Variants in RIMS1 observed in about 807,000 individuals in gnomAD.
RIMS1 encodes regulating synaptic membrane exocytosis 1, also known as regulating synaptic membrane exocytosis protein 1.
A neutral mutation model predicts 214.1 loss-of-function variants in RIMS1; 83 were observed. That is an observed-to-expected ratio of 0.39 (90% CI 0.32 to 0.47). RIMS1 has a LOEUF of 0.47. RIMS1 is among the 20% of genes least tolerant of loss of function. The pLI is 0.99. For missense variants in RIMS1, 2,050 were observed against 2,161.8 expected (o/e 0.95, Z 1.03); for synonymous variants, 793 against 786.8 (o/e 1.01, Z -0.13).
At chr6:72,135,580 C>T (rs1453721022) in intron 4 of RIMS1, among the ~76,000 whole-genome samples, 2 of 152,032 alleles carry the variant, frequency 1.3e-5, no homozygotes, top group South Asian at 2.1e-4. Context: ...GTGTGGGTGT[C>T]AGGGTATGAG....
intron 6 of RIMS1, among the ~76,000 whole-genome samples, chr6:72,219,156 A>G (rs2057463259): frequency 6.6e-6 from 1 of 152,208 alleles, no homozygotes; most frequent in African/African-American, 2.4e-5. Flanking sequence ...AGTAAAACAA[A>G]TGCTTGCCAT....
At position 71,982,388 on chromosome 6, in the gene RIMS1, T is replaced by C. The variant is rs1304828752; in HGVS notation, c.245+13325T>C. Among the ~76,000 whole-genome samples the C allele has an allele frequency of 1.2e-4, 18 of 152,264 alleles. No individual in the cohort carries two copies. In the South Asian group the frequency reaches 3.5e-3, roughly 30 times the overall value. On this transcript the variant is annotated intron_variant, in intron 2 of 33. Coordinates refer to ENST00000521978, the MANE Select transcript of RIMS1 (RefSeq NM_014989.7). ...GTATTAACACAAAATTTAAAGTTCTTGCCTTCTACAGTGCATGCTACTTTA... is the reference window on the plus strand; with the variant it reads ...GTATTAACACAAAATTTAAAGTTCTCGCCTTCTACAGTGCATGCTACTTTA...
chr6:72,274,419 C>T lies in RIMS1; in HGVS notation c.3469C>T (p.Pro1157Ser). 6.2e-7 allele frequency: 1 copy of T among 1,613,072 alleles called. No homozygotes were observed. The highest frequency in any genetic ancestry group is 1.1e-5 in the South Asian group (1 of 91,006). Residue 1157 changes from proline (P) to serine (S), a missense_variant, in exon 23 of 34, where the codon CCG (proline) becomes TCG (serine). Coordinates refer to ENST00000521978, the MANE Select transcript of RIMS1 (RefSeq NM_014989.7). ...CAGGATTCAAATCCAGCATGCGTCTCCGGAGAATGACAGGTACTAGTCAAC... is the reference window on the plus strand; with the variant it reads ...CAGGATTCAAATCCAGCATGCGTCTTCGGAGAATGACAGGTACTAGTCAAC... ...SPRIQIQHAS[P>S]ENDRHSRKSE...
At chr6:72,342,032 G>T (rs2097110850) in intron 29 of RIMS1, among the ~76,000 whole-genome samples, 1 of 151,730 alleles carries the variant, frequency 6.6e-6, no homozygotes, top group African/African-American at 2.4e-5. Flanking sequence ...TTAGTAATAG[G>T]TATTCTGTAC....
At chr6:71,940,873 T>C (rs1785877672) in intron 1 of RIMS1, among the ~76,000 whole-genome samples, 1 of 152,042 alleles carries the variant, frequency 6.6e-6, no homozygotes, top group Non-Finnish European at 1.5e-5. Flanking sequence ...CATGTTAGGG[T>C]TGTGAAACTG....
At chr6:72,379,079 T>C (rs893991111) in intron 29 of RIMS1, among the ~76,000 whole-genome samples, 2 of 152,134 alleles carry the variant, frequency 1.3e-5, no homozygotes, top group African/African-American at 4.8e-5. Context: ...GAACTGAGAG[T>C]ATTCTTTATT....
At chr6:72,324,347 T>C (rs1039026934) in intron 28 of RIMS1, among the ~76,000 whole-genome samples, 4 of 151,974 alleles carry the variant, frequency 2.6e-5, no homozygotes, top group Admixed American at 1.3e-4. Flanking sequence ...TTGAAATTGG[T>C]TAAAATGTCT....
intron 1 of RIMS1, among the ~76,000 whole-genome samples, chr6:71,950,700 G>GA (rs1789197195): frequency 6.6e-6 from 1 of 152,150 alleles, no homozygotes; most frequent in Admixed American, 6.5e-5. Flanking sequence ...AACATTTCAA[G>GA]ATTTATTTTT....
At chr6:72,275,132 A>G (rs2085566795) in intron 23 of RIMS1, among the ~76,000 whole-genome samples, 7 of 770 alleles carry the variant, frequency 9.1e-3, no homozygotes, top group African/African-American at 0.042. Context: ...ATATATATAT[A>G]TATATATATA....
chr6:71,912,551 G>A (rs1777238035), intron 1 of RIMS1, among the ~76,000 whole-genome samples: 1 of 151,968 alleles, frequency 6.6e-6, no homozygotes, highest in South Asian at 2.1e-4. Flanking sequence ...TATTTAAAAT[G>A]TCATTGCGTT....
intron 29 of RIMS1, among the ~76,000 whole-genome samples, chr6:72,363,422 A>G (rs2097889395): frequency 6.6e-6 from 1 of 152,158 alleles, no homozygotes; most frequent in South Asian, 2.1e-4. Context: ...GAGCAAAGAT[A>G]GTGCATAATT....
intron 1 of RIMS1, among the ~76,000 whole-genome samples, chr6:71,915,007 G>A (rs747974755): frequency 4.6e-5 from 7 of 152,058 alleles, no homozygotes; most frequent in African/African-American, 1.7e-4. Context: ...AAAAGGAAAT[G>A]TACTATTTTG....
intron 9 of RIMS1, among the ~76,000 whole-genome samples, chr6:72,241,469 T>C (rs552076165): frequency 6.6e-5 from 10 of 152,296 alleles, no homozygotes; most frequent in African/African-American, 2.4e-4. Context: ...TCACGTGACC[T>C]ATGGTGTGAA....
intron 2 of RIMS1, among the ~76,000 whole-genome samples, chr6:72,086,082 C>T (rs1209594349): frequency 6.6e-6 from 1 of 152,156 alleles, no homozygotes; most frequent in African/African-American, 2.4e-5. Flanking sequence ...TCTTGTCTCA[C>T]TCTAAGAAAA....
intron 4 of RIMS1, among the ~76,000 whole-genome samples, chr6:72,147,428 G>A (rs1052228094): frequency 3.3e-5 from 5 of 152,176 alleles, no homozygotes; most frequent in African/African-American, 1.2e-4. Context: ...GGCCTAATAA[G>A]CAGGCATATC....
chr6:72,185,340 A>G (rs879842554), intron 6 of RIMS1, among the ~76,000 whole-genome samples: 2 of 152,192 alleles, frequency 1.3e-5, no homozygotes, highest in Non-Finnish European at 2.9e-5. Flanking sequence ...AAAACAATTC[A>G]TTCCTTCTAG....
At chr6:72,132,129 C>T (rs956124300) in intron 4 of RIMS1, among the ~76,000 whole-genome samples, 17 of 152,140 alleles carry the variant, frequency 1.1e-4, no homozygotes, top group East Asian at 3.9e-4. Flanking sequence ...GGTCCTGAGG[C>T]GACATACATC....
chr6:72,340,219 T>A (rs2097011297), intron 29 of RIMS1, among the ~76,000 whole-genome samples: 2 of 152,114 alleles, frequency 1.3e-5, no homozygotes, highest in Non-Finnish European at 2.9e-5. Context: ...CAAAATTTTC[T>A]CCCATTCTGT....
chr6:72,292,875 C>A (rs1486772196), intron 26 of RIMS1, among the ~76,000 whole-genome samples: 1 of 151,948 alleles, frequency 6.6e-6, no homozygotes, highest in East Asian at 1.9e-4. Context: ...TTATTAAAAA[C>A]CTTTATCCCT....
Sources: allele counts gnomAD v4.1 joint callset (sites outside exome capture counted in the v4.1 genomes callset), GRCh38; gene constraint gnomAD v4.1.1; transcripts MANE v1.5; gene names NCBI Gene and HGNC (gene_info 2026-07-23, HGNC 2026-07-21).